HERC1: variants seen among roughly 807,000 people sequenced by gnomAD.
The protein encoded by HERC1 is probable E3 ubiquitin-protein ligase HERC1.
In HERC1, 160 loss-of-function variants were observed where a neutral mutation model predicts 554.3. The ratio of observed to expected loss-of-function variants is 0.29; its 90% confidence interval spans 0.25 to 0.33. The LOEUF is 0.33. HERC1 is among the 10% of genes least tolerant of loss of function. The pLI is 1.00. For synonymous variants in HERC1, 2,175 were observed against 2,131.7 expected (o/e 1.02, Z -0.56); for missense variants, 4,919 against 5,918.5 (o/e 0.83, Z 5.54).
chr15:63,709,058 C>T (rs2073159031), intron 24 of HERC1, among the ~76,000 whole-genome samples: 1 of 152,172 alleles, frequency 6.6e-6, no homozygotes. Context: ...GGCGCCATCT[C>T]GGCTCACTAT....
intron 50 of HERC1, among the ~76,000 whole-genome samples, chr15:63,654,782 T>C (rs377454738): frequency 1.3e-5 from 2 of 151,576 alleles, no homozygotes; most frequent in Admixed American, 1.3e-4. Flanking sequence ...GGCAGGAGAA[T>C]TGCTTCAAGC....
chr15:63,640,794 T>C (rs934744893), intron 60 of HERC1, among the ~76,000 whole-genome samples: 2 of 152,180 alleles, frequency 1.3e-5, no homozygotes, highest in African/African-American at 2.4e-5. Flanking sequence ...ATCTAAGCTA[T>C]CACACTGCAT....
At chr15:63,700,367 A>C (rs2072649486) in intron 25 of HERC1, among the ~76,000 whole-genome samples, 1 of 152,140 alleles carries the variant, frequency 6.6e-6, no homozygotes, top group African/African-American at 2.4e-5. Context: ...CATAAAAATT[A>C]TATCAGTTAT....
intron 53 of HERC1, 62 bp downstream of exon 53, chr15:63,651,191 A>C: frequency 6.7e-7 from 1 of 1,491,372 alleles, no homozygotes; most frequent in Non-Finnish European, 9.2e-7. Context: ...GACTCAGAAG[A>C]CTAAGAAGAA....
chr15:63,652,992 A>G (rs2069782765), intron 51 of HERC1, among the ~76,000 whole-genome samples: 2 of 152,340 alleles, frequency 1.3e-5, no homozygotes, highest in South Asian at 4.1e-4. Context: ...TTGAAGCTAT[A>G]CTTATTTGAA....
intron 26 of HERC1, 106 bp from the exon 27 acceptor site, chr15:63,696,445 A>G (rs570869419): frequency 4.2e-6 from 3 of 708,230 alleles, no homozygotes; most frequent in African/African-American, 1.8e-5. Context: ...CTGACATTTC[A>G]TATGAATCTA....
chr15:63,824,156 T>C (rs1280970315), intron 1 of HERC1, among the ~76,000 whole-genome samples: 1 of 151,104 alleles, frequency 6.6e-6, no homozygotes, highest in African/African-American at 2.4e-5. Flanking sequence ...GATGAGGGAG[T>C]GGGGAAAAGG....
chr15:63,815,585 C>A (rs2145499002), intron 1 of HERC1, among the ~76,000 whole-genome samples: 1 of 152,334 alleles, frequency 6.6e-6, no homozygotes, highest in South Asian at 2.1e-4. Context: ...AAACAATGAA[C>A]CAACATTTGC....
chr15:63,708,868 T>C (rs903158918), intron 24 of HERC1, among the ~76,000 whole-genome samples: 1 of 152,244 alleles, frequency 6.6e-6, no homozygotes, highest in Non-Finnish European at 1.5e-5. Context: ...TCTCTGAAGC[T>C]GAAGGCTTAG....
intron 30 of HERC1, among the ~76,000 whole-genome samples, chr15:63,693,401 G>A (rs1444621917): frequency 6.6e-6 from 1 of 151,870 alleles, no homozygotes; most frequent in Admixed American, 6.6e-5. Flanking sequence ...GCGTCACCAT[G>A]CCAGGCTAAT....
chr15:63,749,906 G>T lies in HERC1; in HGVS notation c.1903-115C>A. On this transcript the variant is annotated intron_variant, in intron 8 of 77. Transcript: ENST00000443617. The surrounding 1 kb of genome is among the most constrained non-coding windows in gnomAD (Gnocchi z 4.1). ...GTGGTTTGATAGTAAATAACTTTCT[G>T]ATGTTAAAATCATTTTGATCATTTT... The T allele has an allele frequency of 1.2e-6, 1 of 844,120 alleles. No individual in the cohort carries two copies. The highest frequency in any genetic ancestry group is 1.7e-6 in the Non-Finnish European group (1 of 577,802). 52.3% of individuals were successfully genotyped at this position (844,120 alleles called of 1,614,324 possible). A position where few individuals can be genotyped will look rare whatever the true frequency, so the allele number is the denominator to read the frequency against.
intron 1 of HERC1, among the ~76,000 whole-genome samples, chr15:63,825,822 G>A (rs749593470): frequency 7.3e-5 from 11 of 151,586 alleles, no homozygotes; most frequent in Non-Finnish European, 1.5e-4. Context: ...TGAGTATAGC[G>A]GTGGGTCTCA....
At chr15:63,778,535 G>A (rs569788184) in intron 1 of HERC1, among the ~76,000 whole-genome samples, 3 of 152,034 alleles carry the variant, frequency 2.0e-5, no homozygotes, top group East Asian at 1.9e-4. Flanking sequence ...GTGGTGAAGG[G>A]TAAAAGAAGA....
chr15:63,702,344 A>G (rs896806424), intron 25 of HERC1, among the ~76,000 whole-genome samples: 4 of 152,172 alleles, frequency 2.6e-5, no homozygotes, highest in African/African-American at 9.7e-5. Flanking sequence ...CATGAAACAC[A>G]CATGTTGATA....
At chr15:63,712,474 G>A (rs2073348539) in intron 24 of HERC1, among the ~76,000 whole-genome samples, 1 of 152,208 alleles carries the variant, frequency 6.6e-6, no homozygotes, top group South Asian at 2.1e-4. Flanking sequence ...AACAGGTTTG[G>A]AGAGAGACGA....
chr15:63,663,205 C>A lies in HERC1; in HGVS notation c.8681-1G>T. On this transcript the variant is annotated splice_acceptor_variant, in intron 43 of 77. Coordinates refer to ENST00000443617, the MANE Select transcript of HERC1 (RefSeq NM_003922.4). LOFTEE classifies it high-confidence loss of function. ...GCCTGCACAGAGCGGTATAATCCCG[C>A]TCAGAACAAAACAAAAAAGGCATTT... is the stretch of plus-strand genomic sequence containing the variant. The A allele has an allele frequency of 6.2e-7, 1 of 1,607,450 alleles. No individual in the cohort carries two copies. The highest frequency in any genetic ancestry group is 1.7e-5 in the Admixed American group (1 of 58,944).
At chr15:63,720,102 C>CTTTTTTTTTTTTTTT (rs1214451219) in intron 19 of HERC1, among the ~76,000 whole-genome samples, 30 of 20,960 alleles carry the variant, frequency 1.4e-3, no homozygotes, top group Non-Finnish European at 3.9e-3. Flanking sequence ...CTTTTTCTTC[C>CTTTTTTTTTTTTTTT]CTTTTTTTTT....
Position 63,758,084 on chromosome 15 carries a change from C to A in HERC1, c.1221+91G>T. 1.1e-6 allele frequency: 1 copy of A among 889,220 alleles called. No homozygotes were observed. Among genetic ancestry groups the A allele is most frequent in the Non-Finnish European group, 1.7e-6 (1 of 588,730 alleles). The allele number at this position is 889,220 out of a possible 1,614,324, so 55.1% of individuals were successfully genotyped here. The stretch of plus-strand genomic sequence containing the variant: ...GAAATAACCATCGATAATTTTCACT[C>A]ATTTAAAAAATACTCAGTATTATTT... On this transcript the variant is annotated intron_variant, in intron 4 of 77. Transcript: ENST00000443617. This position sits in a 1 kb window ranked among gnomAD's most constrained non-coding sequence, Gnocchi z 4.0.
intron 3 of HERC1, among the ~76,000 whole-genome samples, chr15:63,760,929 C>G (rs2075590540): frequency 6.6e-6 from 1 of 152,110 alleles, no homozygotes; most frequent in Non-Finnish European, 1.5e-5. Flanking sequence ...TTGGGCTTCT[C>G]AGCAAATATG....
Sources: allele counts gnomAD v4.1 joint callset (sites outside exome capture counted in the v4.1 genomes callset), GRCh38; gene constraint gnomAD v4.1.1; non-coding constraint Gnocchi (gnomAD v3.1); transcripts MANE v1.5; gene names NCBI Gene and HGNC (gene_info 2026-07-23, HGNC 2026-07-21).